Variants in PACRG observed in about 807,000 individuals in gnomAD.
The protein encoded by PACRG is parkin coregulated.
PACRG carries 29 observed loss-of-function variants against 29.7 expected under a neutral mutation model. The observed-to-expected ratio is 0.98, with a 90% confidence interval of 0.73 to 1.33. The LOEUF (loss-of-function observed/expected upper bound fraction) is 1.33. PACRG is among the 40% of genes most tolerant of loss of function. PACRG has a pLI of 0.00. For synonymous variants in PACRG, 116 were observed against 118.7 expected (o/e 0.98, Z 0.15); for missense variants, 279 against 316.2 (o/e 0.88, Z 0.89).
At chr6:163,151,404 C>T (rs1778086130) in intron 4 of PACRG, among the ~76,000 whole-genome samples, 1 of 152,164 alleles carries the variant, frequency 6.6e-6, no homozygotes, top group Non-Finnish European at 1.5e-5. Flanking sequence ...ACACACTTCA[C>T]GATGTCTGCA....
At position 162,744,948 on chromosome 6, in the gene PACRG, G is replaced by A. The variant is rs1216514812; in HGVS notation, c.156+16557G>A. Among the ~76,000 whole-genome samples the A allele has an allele frequency of 5.3e-5, 8 of 152,038 alleles. No homozygotes were observed. The East Asian group carries it at 1.2e-3, about 22-fold the overall frequency. On this transcript the variant is annotated intron_variant, in intron 1 of 4. Transcript: ENST00000366888. ...AACCTAGCAAATTCATGTTTCAGGA[G>A]CTCTGAAAATGACCTGACAATAGGT...
chr6:163,245,769 G>GGT (rs900232716), intron 4 of PACRG, among the ~76,000 whole-genome samples: 2 of 152,198 alleles, frequency 1.3e-5, no homozygotes, highest in Admixed American at 6.5e-5. Flanking sequence ...TTAAACTGAA[G>GGT]GCGCTCAAGA....
chr6:162,954,104 A>G (rs1325017903), intron 2 of PACRG, among the ~76,000 whole-genome samples: 1 of 152,216 alleles, frequency 6.6e-6, no homozygotes, highest in Non-Finnish European at 1.5e-5. Context: ...CTTATTTAAA[A>G]GTAATATCAT....
intron 2 of PACRG, among the ~76,000 whole-genome samples, chr6:162,955,031 G>A (rs1799913396): frequency 6.6e-6 from 1 of 152,138 alleles, no homozygotes; most frequent in Non-Finnish European, 1.5e-5. Flanking sequence ...ATATTATGTA[G>A]ACATAACCAT....
chr6:162,784,146 C>T (rs920228211), intron 1 of PACRG, among the ~76,000 whole-genome samples: 6 of 152,114 alleles, frequency 3.9e-5, no homozygotes, highest in African/African-American at 1.4e-4. Context: ...TTTATTTCTT[C>T]AAGTAATCCT....
In PACRG at chr6:163,005,493, T is replaced by A. The variant is rs561640976; in HGVS notation, c.292-56657T>A. ...TAGTGGCCCACAAATTTTGATATGTTTACTCTTCACTCAGTTAAAATACTT... is the reference window on the plus strand; with the variant it reads ...TAGTGGCCCACAAATTTTGATATGTATACTCTTCACTCAGTTAAAATACTT... On this transcript the variant is annotated intron_variant, in intron 2 of 4. Transcript: ENST00000366888. Among the ~76,000 whole-genome samples the A allele has an allele frequency of 2.6e-5, 4 of 152,022 alleles. No individual in the cohort carries two copies. The East Asian group carries it at 7.7e-4, about 29-fold the overall frequency.
intron 1 of PACRG, among the ~76,000 whole-genome samples, chr6:162,789,532 T>G (rs920564518): frequency 6.6e-6 from 1 of 152,186 alleles, no homozygotes; most frequent in Non-Finnish European, 1.5e-5. Context: ...TTAGTTTCAC[T>G]AAGGATCATT....
intron 2 of PACRG, among the ~76,000 whole-genome samples, chr6:162,908,159 CT>C (rs1261842115): frequency 1.3e-5 from 2 of 152,188 alleles, no homozygotes; most frequent in Non-Finnish European, 2.9e-5. Context: ...CAATTTTACA[CT>C]TTTCCTATTG....
rs398003265 is a variant in PACRG, at chr6:163,177,710, A to ATTTTTTTTTTTTTTTTTTT, written c.613+88311_613+88329dup. ...TGTTAGCTAAGAAATTAGAAAAGGG[A>ATTTTTTTTTTTTTTTTTTT]TTTTTTTTTTTTTTTTTTTTTTTTT... On this transcript the variant is annotated intron_variant, in intron 4 of 4. Transcript: ENST00000366888. Among the ~76,000 whole-genome samples the ATTTTTTTTTTTTTTTTTTT allele has an allele frequency of 3.6e-3, 195 of 53,742 alleles. 50 individuals carry two copies. Among genetic ancestry groups the ATTTTTTTTTTTTTTTTTTT allele is most frequent in the South Asian group, 0.013 (11 of 834 alleles). The allele number at this position is 53,742 out of a possible 152,430, so 35.3% of individuals were successfully genotyped here. A position where few individuals can be genotyped will look rare whatever the true frequency, so the allele number is the denominator to read the frequency against.
chr6:162,750,911 T>C (rs1781463286), intron 1 of PACRG, among the ~76,000 whole-genome samples: 1 of 152,200 alleles, frequency 6.6e-6, no homozygotes, highest in African/African-American at 2.4e-5. Context: ...TTCTTGATGC[T>C]TTAGCCACTA....
chr6:162,806,158 G>A (rs1786305865), intron 1 of PACRG, among the ~76,000 whole-genome samples: 1 of 150,872 alleles, frequency 6.6e-6, no homozygotes, highest in African/African-American at 2.4e-5. Context: ...GCCCAGGCTG[G>A]AGTGCAATAG....
intron 4 of PACRG, among the ~76,000 whole-genome samples, chr6:163,259,722 A>T (rs912528614): frequency 6.6e-6 from 1 of 152,116 alleles, no homozygotes; most frequent in Non-Finnish European, 1.5e-5. Flanking sequence ...TCTCTACAGT[A>T]CGCCTTCCCA....
At chr6:163,108,699 T>C (rs74543685) in intron 4 of PACRG, among the ~76,000 whole-genome samples, 7,122 of 152,230 alleles carry the variant, frequency 0.047, 587 homozygotes, top group African/African-American at 0.16. Flanking sequence ...GAACCTCTTT[T>C]CCTTACAAAT....
intron 3 of PACRG, among the ~76,000 whole-genome samples, chr6:163,084,879 A>ATATATATAATATATATATTATATTATG (rs1813414424): frequency 7.0e-6 from 1 of 142,926 alleles, no homozygotes; most frequent in Non-Finnish European, 1.5e-5. Context: ...ATTATATTAT[A>ATATATATAATATATATATTATATTATG]TATATAAATT....
chr6:162,768,688 GT>G (rs1237785055), intron 1 of PACRG, among the ~76,000 whole-genome samples: 1 of 152,014 alleles, frequency 6.6e-6, no homozygotes, highest in Non-Finnish European at 1.5e-5. Context: ...GTTGATCAAA[GT>G]TTTTATGGAC....
intron 4 of PACRG, among the ~76,000 whole-genome samples, chr6:163,100,178 G>A (rs116838833): frequency 0.018 from 2,714 of 152,140 alleles, 95 homozygotes; most frequent in African/African-American, 0.061. Context: ...CCCCTGCAGG[G>A]ACCTGTGTCC....
chr6:163,016,976 T>C (rs892057265), intron 2 of PACRG, among the ~76,000 whole-genome samples: 2 of 152,148 alleles, frequency 1.3e-5, no homozygotes, highest in African/African-American at 2.4e-5. Flanking sequence ...AAATGTAATA[T>C]ACAAAATTAA....
intron 2 of PACRG, among the ~76,000 whole-genome samples, chr6:162,984,716 G>T (rs543799852): frequency 5.3e-5 from 8 of 151,872 alleles, no homozygotes; most frequent in Admixed American, 5.2e-4. Flanking sequence ...CAGGAGTGAG[G>T]TGGTATTGTA....
At position 162,853,655 on chromosome 6, in the gene PACRG, A is replaced by C. The variant is rs1375211127; in HGVS notation, c.291+39374A>C. ...GATCACAAAGGCGGAAACAACACAC[A>C]CTGAACTTAGCATCTGGGGGATGTA... On this transcript the variant is annotated intron_variant, in intron 2 of 4. Coordinates refer to ENST00000366888, the MANE Select transcript of PACRG (RefSeq NM_001080379.2). This position sits in a 1 kb window ranked among gnomAD's most constrained non-coding sequence, Gnocchi z 4.7. Among the ~76,000 whole-genome samples the C allele has an allele frequency of 6.6e-6, 1 of 152,214 alleles. No individual in the cohort carries two copies. Among genetic ancestry groups the C allele is most frequent in the African/African-American group, 2.4e-5 (1 of 41,460 alleles).
Sources: gnomAD v4.1 joint callset for allele counts (sites outside exome capture counted in the v4.1 genomes callset) on GRCh38, gnomAD v4.1.1 for gene constraint, Gnocchi (gnomAD v3.1) non-coding constraint, MANE v1.5 for transcripts, NCBI Gene and HGNC (gene_info 2026-07-23, HGNC 2026-07-21) for gene names.